The following GABRA5 variants were observed in gnomAD, a reference collection of about 807,000 sequenced individuals.
GABRA5 encodes gamma-aminobutyric acid receptor subunit alpha-5.
In GABRA5, 18 loss-of-function variants were observed where a neutral mutation model predicts 47.3. The ratio of observed to expected loss-of-function variants is 0.38; its 90% CI spans 0.26 to 0.56. The LOEUF (loss-of-function observed/expected upper bound fraction) is 0.56. Among genes scored for constraint, GABRA5 ranks in the 20% least tolerant of loss-of-function variants. The probability of loss-of-function intolerance (pLI) is 0.71; values close to 1 mark genes in which losing one functional copy is unlikely to be tolerated. For missense variants in GABRA5, 365 were observed against 599.3 expected (o/e 0.61, Z 4.08); for synonymous variants, 237 against 229.3 (o/e 1.03, Z -0.30).
At position 26,948,101 on chromosome 15, in the gene GABRA5, C is replaced by G; in HGVS notation, c.1257C>G (p.Tyr419Ter). Residue 419 changes from tyrosine (Y) to a stop codon, truncating the protein, a stop_gained, in exon 11 of 11, where the codon TAC becomes TAG. Transcript: ENST00000335625. LOFTEE classifies it high-confidence loss of function. ...AGACTTCTGAAAGCAAAAAGACTTA[C>G]AACAGTATCAGCAAAATTGACAAAA... ...EEKTSESKKTYNSISKIDKMS... is the reference protein window; with the variant it reads ...EEKTSESKKT 1 of 1,612,756 alleles carries G rather than the reference C, an allele frequency of 6.2e-7. No homozygotes were observed. Among genetic ancestry groups the G allele is most frequent in the Non-Finnish European group, 8.5e-7 (1 of 1,179,340 alleles).
intron 6 of GABRA5, among the ~76,000 whole-genome samples, chr15:26,908,365 C>T (rs2140286956): frequency 6.6e-6 from 1 of 152,174 alleles, no homozygotes; most frequent in East Asian, 1.9e-4. Flanking sequence ...CAGCAGCATC[C>T]CTACTGGTGT....
intron 7 of GABRA5, among the ~76,000 whole-genome samples, chr15:26,936,779 C>T (rs1322381905): frequency 6.6e-6 from 1 of 152,134 alleles, no homozygotes; most frequent in Non-Finnish European, 1.5e-5. Context: ...CAGTCATAGC[C>T]AGAGCCCTCA....
chr15:26,940,496 G>C (rs149781426), intron 9 of GABRA5, among the ~76,000 whole-genome samples: 2 of 152,062 alleles, frequency 1.3e-5, no homozygotes, highest in Non-Finnish European at 2.9e-5. Flanking sequence ...CTGAAAATCC[G>C]AAATGAGCTC....
At chr15:26,907,857 C>G (rs1420574422) in intron 6 of GABRA5, among the ~76,000 whole-genome samples, 2 of 152,200 alleles carry the variant, frequency 1.3e-5, no homozygotes, top group Admixed American at 6.5e-5. Context: ...CAGTGCCTAA[C>G]TACAGGTATA....
intron 3 of GABRA5, among the ~76,000 whole-genome samples, chr15:26,875,560 T>G (rs1892575569): frequency 6.6e-6 from 1 of 150,392 alleles, no homozygotes. Context: ...CTGAGGGAGG[T>G]GAGGATGTGA....
chr15:26,904,665 G>A (rs1193652399), intron 6 of GABRA5, among the ~76,000 whole-genome samples: 2 of 152,016 alleles, frequency 1.3e-5, no homozygotes, highest in African/African-American at 4.8e-5. Context: ...AGTTCTCATT[G>A]TAGAGCTCTT....
chr15:26,948,292 A>T lies in GABRA5; in HGVS notation c.*59A>T, dbSNP rs1894565058. 3.2e-6 allele frequency: 5 copies of T among 1,539,432 alleles called. No individual in the cohort carries two copies. Among genetic ancestry groups the T allele is most frequent in the Non-Finnish European group, 4.4e-6 (5 of 1,134,782 alleles). Reference sequence around the variant, plus strand: ...CTTCCAGCGAAATGGTACCAAGGAGAGGTCTTGCTCACAGGGACTCTCCAT... The same window carrying T: ...CTTCCAGCGAAATGGTACCAAGGAGTGGTCTTGCTCACAGGGACTCTCCAT... On this transcript the variant is annotated 3_prime_UTR_variant, in exon 11 of 11. Transcript: ENST00000335625.
At chr15:26,927,203 A>G (rs1202735084) in intron 7 of GABRA5, among the ~76,000 whole-genome samples, 2 of 151,862 alleles carry the variant, frequency 1.3e-5, no homozygotes, top group Non-Finnish European at 2.9e-5. Context: ...TCCCGGGTTC[A>G]AGGGATTCTC....
At chr15:26,922,325 T>G (rs1893862905) in intron 7 of GABRA5, among the ~76,000 whole-genome samples, 1 of 152,220 alleles carries the variant, frequency 6.6e-6, no homozygotes, top group African/African-American at 2.4e-5. Flanking sequence ...AATATTTCTC[T>G]CTGTCTCTGG....
chr15:26,945,621 T>C (rs1894492077), intron 10 of GABRA5, among the ~76,000 whole-genome samples: 1 of 152,186 alleles, frequency 6.6e-6, no homozygotes, highest in South Asian at 2.1e-4. Context: ...CAGATGTGTC[T>C]GATTTGCCCA....
chr15:26,884,591 A>G (rs1892828002), intron 6 of GABRA5, among the ~76,000 whole-genome samples: 1 of 152,230 alleles, frequency 6.6e-6, no homozygotes, highest in Non-Finnish European at 1.5e-5. Context: ...ATGTTTAAAA[A>G]GAGTAATCAT....
In GABRA5 at chr15:26,883,572, G is replaced by T; in HGVS notation, c.497+15G>T. On this transcript the variant is annotated intron_variant, in intron 6 of 10. Transcript: ENST00000335625. This position sits in a 1 kb window ranked among gnomAD's most constrained non-coding sequence, Gnocchi z 4.8. ...TACACCATGCGGTGAGCGCCGGGCGGGGGCGGGCGGGGCCGGGGGACGGTG... is the reference window on the plus strand; with the variant it reads ...TACACCATGCGGTGAGCGCCGGGCGTGGGCGGGCGGGGCCGGGGGACGGTG... 6.6e-7 allele frequency: 1 copy of T among 1,522,872 alleles called. No homozygotes were observed. Among genetic ancestry groups the T allele is most frequent in the Non-Finnish European group, 8.9e-7 (1 of 1,121,134 alleles). The allele number at this position is 1,522,872 out of a possible 1,614,324, so 94.3% of individuals were successfully genotyped here. A position where few individuals can be genotyped will look rare whatever the true frequency, so the allele number is the denominator to read the frequency against.
At chr15:26,927,511 T>G (rs1893990085) in intron 7 of GABRA5, among the ~76,000 whole-genome samples, 1 of 152,218 alleles carries the variant, frequency 6.6e-6, no homozygotes, top group Non-Finnish European at 1.5e-5. Context: ...ATAAGAATGA[T>G]TTTATTCATA....
intron 6 of GABRA5, among the ~76,000 whole-genome samples, chr15:26,897,533 A>C (rs971622350): frequency 6.6e-6 from 1 of 152,198 alleles, no homozygotes; most frequent in Non-Finnish European, 1.5e-5. Flanking sequence ...CCAGCAGACT[A>C]CTACAGAAGC....
intron 3 of GABRA5, among the ~76,000 whole-genome samples, chr15:26,872,800 C>T (rs1314052730): frequency 2.0e-5 from 3 of 152,088 alleles, no homozygotes; most frequent in East Asian, 1.9e-4. Context: ...TGGACCAAGT[C>T]GAAATGCAGT....
intron 7 of GABRA5, among the ~76,000 whole-genome samples, chr15:26,934,020 A>G (rs1216255368): frequency 1.3e-5 from 2 of 152,082 alleles, no homozygotes; most frequent in Non-Finnish European, 1.5e-5. Context: ...GGGGAGGCTG[A>G]GGCGGGTGTA....
At chr15:26,886,150 G>T (rs1447443101) in intron 6 of GABRA5, among the ~76,000 whole-genome samples, 1 of 152,050 alleles carries the variant, frequency 6.6e-6, no homozygotes, top group African/African-American at 2.4e-5. Context: ...CTCCCAAGTA[G>T]CTGGGATTAC....
intron 3 of GABRA5, among the ~76,000 whole-genome samples, chr15:26,878,637 C>A (rs751695058): frequency 1.3e-5 from 2 of 152,166 alleles, no homozygotes; most frequent in Non-Finnish European, 2.9e-5. Context: ...AAATCCCCAG[C>A]CATGGCCCCA....
chr15:26,898,114 GA>G, intron 6 of GABRA5, among the ~76,000 whole-genome samples: 2 of 152,316 alleles, frequency 1.3e-5, no homozygotes, highest in Non-Finnish European at 2.9e-5. Context: ...ACGTGCACTG[GA>G]AAGAAGAGAT....
Sources: allele counts gnomAD v4.1 joint callset (sites outside exome capture counted in the v4.1 genomes callset), GRCh38; gene constraint gnomAD v4.1.1; non-coding constraint Gnocchi (gnomAD v3.1); transcripts MANE v1.5; gene names NCBI Gene and HGNC (gene_info 2026-07-23, HGNC 2026-07-21).